KDM4A: variants seen among roughly 807,000 people sequenced by gnomAD.
The protein encoded by KDM4A is lysine-specific demethylase 4A.
Under a neutral mutation model 127.1 loss-of-function variants are expected in KDM4A, and 23 were observed. The ratio of observed to expected loss-of-function variants is 0.18; its 90% CI spans 0.13 to 0.26. The LOEUF is 0.26. Ranked by LOEUF, KDM4A falls within the 10% of genes least tolerant of loss-of-function variation. The pLI is 1.00. For synonymous variants in KDM4A, 443 were observed against 466.5 expected (o/e 0.95, Z 0.65); for missense variants, 890 against 1,329.1 (o/e 0.67, Z 5.14).
At position 43,667,206 on chromosome 1, in the gene KDM4A, C is replaced by T. The variant is rs1660518249; in HGVS notation, c.915+115C>T. 4 of 1,186,960 alleles carry T rather than the reference C, an allele frequency of 3.4e-6. No individual in the cohort carries two copies. In the East Asian group the frequency reaches 9.5e-5, roughly 28 times the overall value. The allele number at this position is 1,186,960 out of a possible 1,614,324, so 73.5% of individuals were successfully genotyped here. ...TGAGCTGCTGGAATTCAGAAACAAG[C>T]AGCTAGCAATGTGTCAGAGTACTAA... On this transcript the variant is annotated intron_variant, in intron 8 of 21. Transcript: ENST00000372396.
chr1:43,660,325 T>A lies in KDM4A; in HGVS notation c.342T>A (p.Phe114Leu), dbSNP rs375230499. The A allele has an allele frequency of 1.2e-6, 2 of 1,614,170 alleles. No homozygotes were observed. Among genetic ancestry groups the A allele is most frequent in the African/African-American group, 2.7e-5 (2 of 75,050 alleles). The change falls in exon 4 of 22, where the codon TTT becomes TTA. Residue 114 changes from phenylalanine to leucine, a missense_variant. This residue lies in a region of KDM4A where 41 missense variants were observed against 40.8 expected (regional missense o/e 1.00). Transcript: ENST00000372396. ...ACTGTACCCCACGCTATAGTGAGTT[T>A]GAAGAGCTCGAGCGGAAATACTGGA... ...DKYCTPRYSE[F>L]EELERKYWKN... is the part of the protein sequence containing the mutation.
intron 4 of KDM4A, among the ~76,000 whole-genome samples, chr1:43,660,747 ATGAC>A (rs1419330697): frequency 5.3e-5 from 8 of 152,310 alleles, no homozygotes; most frequent in East Asian, 3.9e-4. Context: ...CAGAAAAAAG[ATGAC>A]TGACTAATCT....
At chr1:43,675,731 C>G (rs1213581421) in intron 11 of KDM4A, among the ~76,000 whole-genome samples, 1 of 151,918 alleles carries the variant, frequency 6.6e-6, no homozygotes, top group Non-Finnish European at 1.5e-5. Flanking sequence ...ACCATATGCA[C>G]CATATGGATT....
chr1:43,651,269 G>A (rs993679467), intron 1 of KDM4A, among the ~76,000 whole-genome samples: 1 of 152,214 alleles, frequency 6.6e-6, no homozygotes, highest in Non-Finnish European at 1.5e-5. Flanking sequence ...AGCTGCCCTT[G>A]CAGAGGACTT....
chr1:43,657,621 A>G (rs1244875796), intron 3 of KDM4A, among the ~76,000 whole-genome samples: 10 of 152,094 alleles, frequency 6.6e-5, no homozygotes, highest in Admixed American at 6.6e-4. Flanking sequence ...CCTTCCTGCC[A>G]TCCTTATTGT....
chr1:43,704,092 A>G lies in KDM4A; in HGVS notation c.3034A>G (p.Lys1012Glu). Residue 1012 changes from lysine (K) to glutamate (E), a missense_variant, in exon 21 of 22, where the codon AAG (lysine) becomes GAG (glutamate). Lys to Glu is a moderately conservative substitution (Grantham distance 56, BLOSUM62 1). Coordinates refer to ENST00000372396, the MANE Select transcript of KDM4A (RefSeq NM_014663.3). Reference sequence around the variant, plus strand: ...ATACACACTGGATGAAGAGCTTCCCAAGAGAGTCAAATCTAGACTGGTGAG... The same window carrying G: ...ATACACACTGGATGAAGAGCTTCCCGAGAGAGTCAAATCTAGACTGGTGAG... ...DVYTLDEELPKRVKSRLSVAS... is the reference protein window; with the variant it reads ...DVYTLDEELPERVKSRLSVAS... The G allele has an allele frequency of 6.2e-7, 1 of 1,614,134 alleles. No individual in the cohort carries two copies. The highest frequency in any genetic ancestry group is 8.5e-7 in the Non-Finnish European group (1 of 1,179,998).
At chr1:43,658,484 A>C (rs1244717932) in intron 3 of KDM4A, among the ~76,000 whole-genome samples, 1 of 151,356 alleles carries the variant, frequency 6.6e-6, no homozygotes, top group African/African-American at 2.4e-5. Flanking sequence ...TTAAAGTGTA[A>C]GGCAGTTACT....
At chr1:43,681,928 A>G (rs1222982883) in intron 11 of KDM4A, among the ~76,000 whole-genome samples, 1 of 152,184 alleles carries the variant, frequency 6.6e-6, no homozygotes, top group Non-Finnish European at 1.5e-5. Context: ...TCGGGCAAGT[A>G]TGGGTTTTCC....
At chr1:43,679,093 A>C (rs1360971620) in intron 11 of KDM4A, among the ~76,000 whole-genome samples, 1 of 152,076 alleles carries the variant, frequency 6.6e-6, no homozygotes, top group South Asian at 2.1e-4. Flanking sequence ...GCTTAGTGCA[A>C]CCCAGCCCTT....
chr1:43,682,986 T>C (rs1006123454), intron 11 of KDM4A, among the ~76,000 whole-genome samples: 33 of 152,266 alleles, frequency 2.2e-4, no homozygotes, highest in African/African-American at 7.5e-4. Flanking sequence ...GAGTCAATCC[T>C]GTACATTTAA....
At chr1:43,674,438 G>A (rs1477446250) in intron 11 of KDM4A, among the ~76,000 whole-genome samples, 1 of 151,926 alleles carries the variant, frequency 6.6e-6, no homozygotes, top group African/African-American at 2.4e-5. Flanking sequence ...GGCATATGGA[G>A]CTCAGAATGT....
At chr1:43,679,837 G>C (rs1361504023) in intron 11 of KDM4A, among the ~76,000 whole-genome samples, 5 of 152,222 alleles carry the variant, frequency 3.3e-5, no homozygotes, top group Non-Finnish European at 7.3e-5. Context: ...TGACCCTGGT[G>C]CCAGATGTTG....
intron 1 of KDM4A, among the ~76,000 whole-genome samples, chr1:43,652,687 T>C (rs1167900570): frequency 1.3e-5 from 2 of 148,344 alleles, no homozygotes; most frequent in African/African-American, 2.5e-5. Context: ...TTCTTTTTTT[T>C]TTTTTTTTTT....
chr1:43,680,531 G>T (rs567261966), intron 11 of KDM4A, among the ~76,000 whole-genome samples: 3 of 152,298 alleles, frequency 2.0e-5, no homozygotes. Flanking sequence ...TTCTCTTATG[G>T]TTCTTCAGTT....
chr1:43,655,757 A>C lies in KDM4A; in HGVS notation c.305A>C (p.Asn102Thr), dbSNP rs1225795120. Reference protein sequence around the residue: ...MTVREFRKIANSDKYCTPRYS... With the variant: ...MTVREFRKIATSDKYCTPRYS... The stretch of plus-strand genomic sequence containing the variant: ...GTTCGAGAGTTCCGCAAGATAGCCA[A>C]TAGCGATAAGTGAGTGGAAACCCTT... The change falls in exon 3 of 22, where the codon AAT becomes ACT. Residue 102 changes from asparagine to threonine, a missense_variant. By Grantham distance (65) the Asn-to-Thr change is moderately conservative (BLOSUM62 0). Transcript: ENST00000372396. The C allele has an allele frequency of 6.2e-7, 1 of 1,610,622 alleles. No individual in the cohort carries two copies. The highest frequency in any genetic ancestry group is 1.1e-5 in the South Asian group (1 of 90,470).
chr1:43,695,871 T>C (rs1341540889), intron 18 of KDM4A, among the ~76,000 whole-genome samples: 1 of 152,032 alleles, frequency 6.6e-6, no homozygotes, highest in Non-Finnish European at 1.5e-5. Flanking sequence ...GGAGTGAATA[T>C]TGAAGATGAC....
At chr1:43,668,447 T>C (rs1033926651) in intron 9 of KDM4A, among the ~76,000 whole-genome samples, 1 of 152,192 alleles carries the variant, frequency 6.6e-6, no homozygotes, top group Non-Finnish European at 1.5e-5. Context: ...AAGATGCCGT[T>C]TGTGCCTTGG....
At chr1:43,661,721 A>G (rs1366105840) in intron 4 of KDM4A, among the ~76,000 whole-genome samples, 1 of 151,712 alleles carries the variant, frequency 6.6e-6, no homozygotes, top group East Asian at 1.9e-4. Flanking sequence ...AAGATGCTGT[A>G]AGGATCTGGG....
At chr1:43,661,035 C>T (rs1264715360) in intron 4 of KDM4A, among the ~76,000 whole-genome samples, 2 of 150,944 alleles carry the variant, frequency 1.3e-5, no homozygotes, top group South Asian at 2.1e-4. Flanking sequence ...AGTGCAATGG[C>T]GCGATCTCAG....
Sources: allele counts gnomAD v4.1 joint callset (sites outside exome capture counted in the v4.1 genomes callset), GRCh38; gene constraint gnomAD v4.1.1; regional missense constraint gnomAD v4.1.1; transcripts MANE v1.5; gene names NCBI Gene and HGNC (gene_info 2026-07-23, HGNC 2026-07-21).